The following ATP8A1 variants were observed in gnomAD, a reference collection of about 807,000 sequenced individuals.
ATP8A1 encodes ATPase phospholipid transporting 8A1.
ATP8A1 carries 90 observed loss-of-function variants against 177.7 expected under a neutral mutation model. The ratio of observed to expected loss-of-function variants is 0.51; its 90% CI spans 0.43 to 0.60. ATP8A1 has a LOEUF of 0.60. ATP8A1 is among the 20% of genes least tolerant of loss of function. The probability of loss-of-function intolerance (pLI) is 0.00; values close to 1 mark genes in which losing one functional copy is unlikely to be tolerated. For synonymous variants in ATP8A1, 493 were observed against 485.9 expected (o/e 1.01, Z -0.19); for missense variants, 1,072 against 1,392.8 (o/e 0.77, Z 3.67).
chr4:42,572,704 A>C (rs903237443), intron 14 of ATP8A1, among the ~76,000 whole-genome samples: 82 of 152,238 alleles, frequency 5.4e-4, no homozygotes, highest in African/African-American at 1.7e-3. Context: ...TTATACAGTT[A>C]AAATTTGCAA....
intron 35 of ATP8A1, among the ~76,000 whole-genome samples, chr4:42,420,731 G>A (rs889313310): frequency 4.0e-5 from 6 of 151,180 alleles, no homozygotes; most frequent in South Asian, 2.1e-4. Context: ...TAATAATTAC[G>A]AATACATTGT....
chr4:42,643,588 T>C (rs1189149319), intron 1 of ATP8A1, among the ~76,000 whole-genome samples: 2 of 152,196 alleles, frequency 1.3e-5, no homozygotes, highest in East Asian at 3.8e-4. Context: ...TCATGTCCAC[T>C]GATGCTTAGT....
At chr4:42,450,699 T>C (rs970614367) in intron 30 of ATP8A1, among the ~76,000 whole-genome samples, 1 of 152,102 alleles carries the variant, frequency 6.6e-6, no homozygotes, top group Non-Finnish European at 1.5e-5. Flanking sequence ...TTTGTAATAC[T>C]CACCTCGCTT....
At chr4:42,611,771 C>T (rs1311416343) in intron 5 of ATP8A1, among the ~76,000 whole-genome samples, 3 of 152,204 alleles carry the variant, frequency 2.0e-5, no homozygotes, top group Admixed American at 2.0e-4. Context: ...CATATGGGGA[C>T]TGGCTTCAAT....
chr4:42,439,720 G>C (rs928459730), intron 33 of ATP8A1, among the ~76,000 whole-genome samples: 1 of 152,172 alleles, frequency 6.6e-6, no homozygotes, highest in Non-Finnish European at 1.5e-5. Flanking sequence ...ACATGGAGGA[G>C]GTAGTGCTGC....
intron 24 of ATP8A1, among the ~76,000 whole-genome samples, chr4:42,494,666 TTA>T (rs1723086593): frequency 6.6e-6 from 1 of 152,226 alleles, no homozygotes; most frequent in African/African-American, 2.4e-5. Flanking sequence ...GGACAAATAT[TTA>T]TATAACTAAC....
intron 6 of ATP8A1, 60 bp from the exon 7 acceptor site, chr4:42,590,944 AAAAC>A (rs562638733): frequency 1.8e-4 from 253 of 1,420,790 alleles, no homozygotes; most frequent in African/African-American, 1.1e-3. Flanking sequence ...CAGAGGAAAA[AAAAC>A]AAACAAATGG....
chr4:42,545,084 C>T (rs557055603), intron 19 of ATP8A1, among the ~76,000 whole-genome samples: 48 of 148,576 alleles, frequency 3.2e-4, no homozygotes, highest in African/African-American at 5.9e-4. Context: ...CGCTCGAACC[C>T]GGGAGGTGGA....
intron 5 of ATP8A1, among the ~76,000 whole-genome samples, chr4:42,602,946 G>A (rs1326246067): frequency 1.3e-5 from 2 of 152,038 alleles, no homozygotes; most frequent in Admixed American, 6.5e-5. Flanking sequence ...TGGGCTATAA[G>A]TTTGCATTAA....
At chr4:42,589,610 C>A (rs1733956389) in intron 7 of ATP8A1, among the ~76,000 whole-genome samples, 1 of 152,052 alleles carries the variant, frequency 6.6e-6, no homozygotes, top group Non-Finnish European at 1.5e-5. Context: ...AAAATTAAGT[C>A]CTTCAATATT....
At chr4:42,558,008 G>A (rs1347717991) in intron 15 of ATP8A1, among the ~76,000 whole-genome samples, 1 of 151,800 alleles carries the variant, frequency 6.6e-6, no homozygotes, top group Admixed American at 6.6e-5. Context: ...CTCCAGCCTG[G>A]GTAACAGAGC....
At chr4:42,581,808 A>T in intron 9 of ATP8A1, 76 bp from the exon 10 acceptor site, 1 of 1,017,036 alleles carries the variant, frequency 9.8e-7, no homozygotes, top group South Asian at 1.4e-5. Flanking sequence ...TATAGTTACA[A>T]AAGTACCCAT....
At chr4:42,588,856 G>A (rs2055734662) in intron 7 of ATP8A1, among the ~76,000 whole-genome samples, 1 of 152,080 alleles carries the variant, frequency 6.6e-6, no homozygotes, top group Admixed American at 6.5e-5. Flanking sequence ...TAAATTTAAG[G>A]TTATTTAAAA....
intron 25 of ATP8A1, among the ~76,000 whole-genome samples, chr4:42,466,722 T>C (rs754743177): frequency 6.6e-6 from 1 of 152,262 alleles, no homozygotes; most frequent in Non-Finnish European, 1.5e-5. Context: ...TGAATGCCTA[T>C]CAGGCCATTA....
intron 25 of ATP8A1, among the ~76,000 whole-genome samples, chr4:42,479,462 C>T (rs1003623860): frequency 6.6e-6 from 1 of 152,228 alleles, no homozygotes; most frequent in Non-Finnish European, 1.5e-5. Flanking sequence ...GCTTCCCTTT[C>T]CCACACAATG....
chr4:42,589,464 G>T (rs1490650791), intron 7 of ATP8A1, among the ~76,000 whole-genome samples: 1 of 152,042 alleles, frequency 6.6e-6, no homozygotes, highest in African/African-American at 2.4e-5. Flanking sequence ...TAATTTTGTG[G>T]CCCGAAGATT....
At chr4:42,491,517 G>T (rs1461440943) in intron 24 of ATP8A1, among the ~76,000 whole-genome samples, 1 of 152,048 alleles carries the variant, frequency 6.6e-6, no homozygotes, top group Non-Finnish European at 1.5e-5. Flanking sequence ...TAAAAAAACA[G>T]GCCTATATCA....
At chr4:42,556,937 T>G (rs1730300951) in intron 15 of ATP8A1, among the ~76,000 whole-genome samples, 1 of 152,152 alleles carries the variant, frequency 6.6e-6, no homozygotes, top group East Asian at 1.9e-4. Flanking sequence ...CATTAACAGG[T>G]TACAAAGAGT....
At chr4:42,615,362 A>G (rs1736795459) in intron 5 of ATP8A1, among the ~76,000 whole-genome samples, 3 of 152,182 alleles carry the variant, frequency 2.0e-5, no homozygotes, top group Non-Finnish European at 4.4e-5. Flanking sequence ...TCCTCACCAC[A>G]TCAGAGAACT....
Sources: gnomAD v4.1 joint callset for allele counts (sites outside exome capture counted in the v4.1 genomes callset) on GRCh38, gnomAD v4.1.1 for gene constraint, MANE v1.5 for transcripts, NCBI Gene and HGNC (gene_info 2026-07-23, HGNC 2026-07-21) for gene names.